Variants in GOLM1 observed in about 807,000 individuals in gnomAD.
GOLM1 encodes golgi membrane protein 1, also known as epididymis luminal protein 46.
A neutral mutation model predicts 50.5 loss-of-function variants in GOLM1; 31 were observed. The observed-to-expected ratio is 0.61, with a 90% confidence interval of 0.46 to 0.83. The LOEUF (loss-of-function observed/expected upper bound fraction) is 0.83, where lower values mean the gene tolerates loss of function less well. GOLM1 is among the 40% of genes least tolerant of loss of function. The pLI is 0.00. For missense variants in GOLM1, 491 were observed against 501.3 expected (o/e 0.98, Z 0.20); for synonymous variants, 178 against 192.8 (o/e 0.92, Z 0.64).
At chr9:86,075,346 G>A (rs1295514403) in intron 3 of GOLM1, among the ~76,000 whole-genome samples, 1 of 152,240 alleles carries the variant, frequency 6.6e-6, no homozygotes, top group African/African-American at 2.4e-5. Context: ...GCCCACCACT[G>A]CTGCTGTGAT....
rs1198298046 is a variant in GOLM1 at position 86,099,502 on chromosome 9, C to G, written c.-113G>C. The G allele has an allele frequency of 1.3e-5, 2 of 149,966 alleles. No homozygotes were observed. Among genetic ancestry groups the G allele is most frequent in the Admixed American group, 1.3e-4 (2 of 15,046 alleles). The allele number at this position is 149,966 out of a possible 1,614,324, so 9.3% of individuals were successfully genotyped here. ...CTCCCGCCGCCGCCGGCCTCGAGCT[C>G]CGGCCGGCTCCGCGCCGTGCGCCCA... On this transcript the variant is annotated 5_prime_UTR_variant, in exon 1 of 10. Coordinates refer to ENST00000388712, the MANE Select transcript of GOLM1 (RefSeq NM_016548.4).
At chr9:86,040,231 A>C (rs140533688) in intron 6 of GOLM1, among the ~76,000 whole-genome samples, 96 of 152,296 alleles carry the variant, frequency 6.3e-4, no homozygotes, top group African/African-American at 2.3e-3. Flanking sequence ...TGGGTGAATC[A>C]TAGGGAATGC....
At chr9:86,099,911 G>C (rs2118929981), upstream of GOLM1, 1 of 152,556 alleles carries the variant, frequency 6.6e-6, no homozygotes, top group South Asian at 2.1e-4. Context: ...TTCCCGAACA[G>C]CCAACCGCAC....
At chr9:86,041,517 T>G (rs1197446289) in intron 5 of GOLM1, among the ~76,000 whole-genome samples, 1 of 152,176 alleles carries the variant, frequency 6.6e-6, no homozygotes, top group African/African-American at 2.4e-5. Context: ...AACGATGCAC[T>G]GGATGGGGGC....
chr9:86,085,341 T>C (rs1382522638), intron 1 of GOLM1, among the ~76,000 whole-genome samples: 1 of 152,170 alleles, frequency 6.6e-6, no homozygotes, highest in Non-Finnish European at 1.5e-5. Context: ...ATTGATTTGC[T>C]AAAGCTCTTT....
intron 5 of GOLM1, among the ~76,000 whole-genome samples, chr9:86,042,276 T>C (rs1833381425): frequency 6.6e-6 from 1 of 152,176 alleles, no homozygotes; most frequent in Non-Finnish European, 1.5e-5. Flanking sequence ...ATAAGAATAC[T>C]AAGGGGTGAC....
chr9:86,026,304 C>CTT lies in GOLM1; in HGVS notation c.*1512_*1513insAA. 1.0e-6 allele frequency: 1 copy of CTT among 984,998 alleles called. No homozygotes were observed. Among genetic ancestry groups the CTT allele is most frequent in the Non-Finnish European group, 1.2e-6 (1 of 829,568 alleles). The allele number at this position is 984,998 out of a possible 1,614,324, so 61.0% of individuals were successfully genotyped here. A position where few individuals can be genotyped will look rare whatever the true frequency, so the allele number is the denominator to read the frequency against. ...GAGGACTTAGAAGAGTATGAAAGTA[C>CTT]TCTAAGATTTTATCTAAGTTGCCTT... On this transcript the variant is annotated 3_prime_UTR_variant, in exon 10 of 10. Coordinates refer to ENST00000388712, the MANE Select transcript of GOLM1 (RefSeq NM_016548.4).
At position 86,036,756 on chromosome 9, in the gene GOLM1, G is replaced by A. The variant is rs920869828; in HGVS notation, c.598-249C>T. On this transcript the variant is annotated intron_variant, in intron 6 of 9. Coordinates refer to ENST00000388712, the MANE Select transcript of GOLM1 (RefSeq NM_016548.4). ...AATAAAACTGGGCAGTGATTCTGCT[G>A]AGAGGAAGCATTTACGGAATAATAA... 6 of 499,540 alleles carry A rather than the reference G, an allele frequency of 1.2e-5. No individual in the cohort carries two copies. The Admixed American group carries it at 1.5e-4, about 13-fold the overall frequency. 30.9% of individuals were successfully genotyped at this position (499,540 alleles called of 1,614,324 possible).
At chr9:86,072,084 C>T (rs148826016) in intron 3 of GOLM1, among the ~76,000 whole-genome samples, 28 of 152,236 alleles carry the variant, frequency 1.8e-4, no homozygotes, top group African/African-American at 6.3e-4. Flanking sequence ...CAAACATATA[C>T]ATTAAAACCA....
chr9:86,058,694 T>TAAA (rs1834061158), intron 3 of GOLM1, among the ~76,000 whole-genome samples: 4 of 70,172 alleles, frequency 5.7e-5, no homozygotes, highest in East Asian at 3.1e-3. Flanking sequence ...AGACTCTGTC[T>TAAA]CAAAAAAAAA....
At chr9:86,028,300 C>T (rs1832849649) in intron 9 of GOLM1, among the ~76,000 whole-genome samples, 1 of 152,204 alleles carries the variant, frequency 6.6e-6, no homozygotes, top group African/African-American at 2.4e-5. Flanking sequence ...GAGGAACACA[C>T]TGGCAGAAGA....
rs991901164 is a variant in GOLM1, at chr9:86,026,910, T to G, written c.*907A>C. On this transcript the variant is annotated 3_prime_UTR_variant, in exon 10 of 10. Transcript: ENST00000388712. ...CACTGTATATATCCTTCGACATCAA[T>G]GAACTTTGTTTTCTTTTACTCCAGT... The G allele has an allele frequency of 2.0e-6, 2 of 984,704 alleles. No homozygotes were observed. The highest frequency in any genetic ancestry group is 1.2e-4 in the Admixed American group (2 of 16,256). 61.0% of individuals were successfully genotyped at this position (984,704 alleles called of 1,614,324 possible). A position where few individuals can be genotyped will look rare whatever the true frequency, so the allele number is the denominator to read the frequency against.
intron 1 of GOLM1, among the ~76,000 whole-genome samples, chr9:86,090,786 CAAAA>C (rs776381865): frequency 0.057 from 2,362 of 41,260 alleles, 125 homozygotes; most frequent in African/African-American, 0.16. Context: ...ACTGGGGTAC[CAAAA>C]AAAAAAAAAA....
intron 2 of GOLM1, 65 bp downstream of exon 2, chr9:86,079,115 ACCCCTGGGACCC>A: frequency 7.6e-7 from 1 of 1,321,044 alleles, no homozygotes; most frequent in Non-Finnish European, 1.0e-6. Context: ...TAAACAACAA[ACCCCTGGGACCC>A]CATCATAACA....
chr9:86,087,479 TG>T (rs1399895081), intron 1 of GOLM1, among the ~76,000 whole-genome samples: 1 of 152,222 alleles, frequency 6.6e-6, no homozygotes, highest in Non-Finnish European at 1.5e-5. Context: ...AATACCATGC[TG>T]AATAGGAGTG....
intron 1 of GOLM1, among the ~76,000 whole-genome samples, chr9:86,080,671 A>C (rs1834755364): frequency 6.6e-6 from 1 of 152,218 alleles, no homozygotes; most frequent in African/African-American, 2.4e-5. Context: ...GGGGATAAAG[A>C]AGCAATCTAG....
intron 3 of GOLM1, 101 bp from the exon 4 acceptor site, chr9:86,052,692 G>A: frequency 4.1e-6 from 4 of 977,590 alleles, no homozygotes; most frequent in Non-Finnish European, 6.6e-6. Context: ...CCAACCCAGC[G>A]CTGCTGTCAG....
chr9:86,048,574 CTG>C (rs1390481508), intron 4 of GOLM1, among the ~76,000 whole-genome samples: 15 of 152,260 alleles, frequency 9.9e-5, no homozygotes, highest in African/African-American at 3.4e-4. Flanking sequence ...TTCTAAACTG[CTG>C]TGAGATGGTA....
At chr9:86,044,167 A>G (rs1037640885) in intron 5 of GOLM1, among the ~76,000 whole-genome samples, 4 of 152,210 alleles carry the variant, frequency 2.6e-5, no homozygotes, top group African/African-American at 9.6e-5. Context: ...CTTGTAAGCC[A>G]TGACAGACAA....
Sources: gnomAD v4.1 joint callset for allele counts (sites outside exome capture counted in the v4.1 genomes callset) on GRCh38, gnomAD v4.1.1 for gene constraint, MANE v1.5 for transcripts, NCBI Gene and HGNC (gene_info 2026-07-23, HGNC 2026-07-21) for gene names.